SUCLG2: variants seen among roughly 807,000 people sequenced by gnomAD.
SUCLG2 encodes the protein succinate-CoA ligase GDP-forming subunit beta.
Under a neutral mutation model 47.9 loss-of-function variants are expected in SUCLG2, and 42 were observed. That is an observed-to-expected ratio of 0.88 (90% CI 0.69 to 1.14). The LOEUF is 1.14. Among genes scored for constraint, SUCLG2 ranks in the 50% most tolerant of loss-of-function variants. The pLI is 0.00. For synonymous variants in SUCLG2, 195 were observed against 197.3 expected, an observed-to-expected ratio of 0.99 and a Z score of 0.10; for missense variants, 571 against 525.9, an observed-to-expected ratio of 1.09 and a Z score of -0.84.
chr3:67,380,024 A>G lies in SUCLG2; in HGVS notation c.1184-4165T>C, dbSNP rs546687091. Among the ~76,000 whole-genome samples, 10 of 152,296 alleles carry G rather than the reference A, an allele frequency of 6.6e-5. 1 individual carries two copies. Among genetic ancestry groups the G allele is most frequent in the African/African-American group, 2.4e-4 (10 of 41,564 alleles). ...GTGCTGACCGACGGGGTAACTCCAG[A>G]TGGATTCCCACATACAAAGTGTGCT... On this transcript the variant is annotated intron_variant, in intron 10 of 10. Coordinates refer to ENST00000307227, the MANE Select transcript of SUCLG2 (RefSeq NM_003848.4).
intron 2 of SUCLG2, among the ~76,000 whole-genome samples, chr3:67,587,748 T>C (rs983617910): frequency 4.6e-5 from 7 of 152,202 alleles, no homozygotes; most frequent in African/African-American, 7.2e-5. Flanking sequence ...GACTGTCAAA[T>C]GTGTCACCAA....
chr3:67,517,769 A>C (rs1705985459), intron 6 of SUCLG2, among the ~76,000 whole-genome samples: 2 of 152,250 alleles, frequency 1.3e-5, no homozygotes, highest in African/African-American at 4.8e-5. Context: ...TTAGCTAAAT[A>C]ACATGTATTA....
At chr3:67,624,148 A>T (rs1194650953) in intron 1 of SUCLG2, among the ~76,000 whole-genome samples, 1 of 152,256 alleles carries the variant, frequency 6.6e-6, no homozygotes, top group East Asian at 1.9e-4. Context: ...AATGGGATTT[A>T]CCTGATAGCA....
At chr3:67,379,682 C>A (rs1702111020) in intron 10 of SUCLG2, among the ~76,000 whole-genome samples, 1 of 152,230 alleles carries the variant, frequency 6.6e-6, no homozygotes, top group Admixed American at 6.5e-5. Context: ...TGGGCCACTG[C>A]CCTTGCTGGG....
chr3:67,456,098 A>G (rs1319602944), intron 9 of SUCLG2, among the ~76,000 whole-genome samples: 3 of 152,090 alleles, frequency 2.0e-5, no homozygotes, highest in Non-Finnish European at 4.4e-5. Flanking sequence ...CAGAATGTCA[A>G]TTTTATAATA....
chr3:67,397,726 A>C (rs1365068261), intron 10 of SUCLG2, among the ~76,000 whole-genome samples: 1 of 152,222 alleles, frequency 6.6e-6, no homozygotes, highest in Non-Finnish European at 1.5e-5. Context: ...ACCCTAAGTA[A>C]AAAGAACAAA....
rs953821574 is a variant in SUCLG2 at position 67,498,155 on chromosome 3, C to A, written c.898G>T (p.Asp300Tyr). 8.1e-6 allele frequency: 13 copies of A among 1,612,276 alleles called. No homozygotes were observed. The highest frequency in any genetic ancestry group is 1.7e-5 in the Admixed American group (1 of 59,998). ...AKYDLKYIGL[D>Y]GNIACFVNGA... ...TTACCAAAGCAGGCAATGTTCCCATCTAGTCCTATGTATTTTAGATCATAT... is the reference window on the plus strand; with the variant it reads ...TTACCAAAGCAGGCAATGTTCCCATATAGTCCTATGTATTTTAGATCATAT... The change falls in exon 8 of 11, where the codon GAT becomes TAT. Residue 300 changes from aspartate (D) to tyrosine (Y), a missense_variant. Physicochemically the swap from Asp to Tyr is radical, Grantham distance 160. Coordinates refer to ENST00000307227, the MANE Select transcript of SUCLG2 (RefSeq NM_003848.4).
intron 9 of SUCLG2, among the ~76,000 whole-genome samples, chr3:67,425,408 G>A (rs929798390): frequency 2.0e-5 from 3 of 152,142 alleles, no homozygotes; most frequent in Non-Finnish European, 4.4e-5. Context: ...TTCTGAGGGT[G>A]TCTGAGAGTG....
intron 9 of SUCLG2, among the ~76,000 whole-genome samples, chr3:67,453,985 T>A (rs1270165093): frequency 1.3e-5 from 2 of 152,328 alleles, no homozygotes; most frequent in Middle Eastern, 3.4e-3. Context: ...GGCTTAAATA[T>A]TCCATTACTG....
intron 2 of SUCLG2, among the ~76,000 whole-genome samples, chr3:67,554,067 GGGGTA>G (rs1249285844): frequency 2.0e-5 from 3 of 152,174 alleles, no homozygotes; most frequent in Admixed American, 2.0e-4. Context: ...CTAAGGAGCT[GGGGTA>G]GCCCTCTCGG....
chr3:67,586,930 A>G (rs13069557), intron 2 of SUCLG2, among the ~76,000 whole-genome samples: 101,024 of 152,078 alleles, frequency 0.66, 36,316 homozygotes, highest in Non-Finnish European at 0.8. Flanking sequence ...CACCACGACT[A>G]TCCTCCTCCT....
chr3:67,498,596 T>C (rs1007918555), intron 7 of SUCLG2, among the ~76,000 whole-genome samples: 1 of 152,208 alleles, frequency 6.6e-6, no homozygotes, highest in Non-Finnish European at 1.5e-5. Context: ...CACAGCTTCA[T>C]AGATACAGCT....
intron 10 of SUCLG2, chr3:67,360,902 C>A: frequency 1.3e-6 from 1 of 755,462 alleles, no homozygotes; most frequent in Non-Finnish European, 1.9e-6. Flanking sequence ...ATTCTTCTCC[C>A]ACTGGAGGAA....
At chr3:67,517,422 TAC>T (rs1251993220) in intron 6 of SUCLG2, among the ~76,000 whole-genome samples, 1 of 152,122 alleles carries the variant, frequency 6.6e-6, no homozygotes, top group African/African-American at 2.4e-5. Flanking sequence ...CCAGAGAACA[TAC>T]ACACATGCAC....
chr3:67,540,540 G>A (rs1347981204), intron 2 of SUCLG2, among the ~76,000 whole-genome samples: 2 of 152,224 alleles, frequency 1.3e-5, no homozygotes, highest in East Asian at 3.9e-4. Flanking sequence ...CAAGGCAGCA[G>A]CCCCAGTCAG....
intron 10 of SUCLG2, among the ~76,000 whole-genome samples, chr3:67,399,422 G>T (rs1232460670): frequency 2.0e-5 from 3 of 152,164 alleles, no homozygotes; most frequent in Non-Finnish European, 4.4e-5. Context: ...GACTTGGTTA[G>T]CTGGCAGACA....
chr3:67,440,770 A>G (rs1165825392), intron 9 of SUCLG2, among the ~76,000 whole-genome samples: 2 of 152,258 alleles, frequency 1.3e-5, no homozygotes, highest in Non-Finnish European at 2.9e-5. Context: ...ATGCTTTTAC[A>G]CTGTTGGTAG....
At chr3:67,429,463 A>G (rs572952745) in intron 9 of SUCLG2, among the ~76,000 whole-genome samples, 115 of 152,306 alleles carry the variant, frequency 7.6e-4, no homozygotes, top group African/African-American at 2.7e-3. Flanking sequence ...TAAACATGGA[A>G]AGGAATAACC....
At chr3:67,520,113 GA>G (rs775298438) in intron 5 of SUCLG2, among the ~76,000 whole-genome samples, 1 of 152,140 alleles carries the variant, frequency 6.6e-6, no homozygotes, top group Non-Finnish European at 1.5e-5. Flanking sequence ...TCCTAGGAGA[GA>G]ATTTCCGGAT....
Sources: allele counts gnomAD v4.1 joint callset (sites outside exome capture counted in the v4.1 genomes callset), GRCh38; gene constraint gnomAD v4.1.1; transcripts MANE v1.5; gene names NCBI Gene and HGNC (gene_info 2026-07-23, HGNC 2026-07-21).